The following FGF2 variants were observed in gnomAD, a reference collection of about 807,000 sequenced individuals.
FGF2 encodes basic fibroblast growth factor bFGF.
FGF2 carries 13 observed loss-of-function variants against 15.9 expected under a neutral mutation model. The ratio of observed to expected loss-of-function variants is 0.82; its 90% CI spans 0.53 to 1.30. The LOEUF (loss-of-function observed/expected upper bound fraction) is 1.30, where lower values mean the gene tolerates loss of function less well. FGF2 is among the 50% of genes most tolerant of loss of function. The pLI is 0.00. For synonymous variants in FGF2, 90 were observed against 78.4 expected (o/e 1.15, Z -0.78); for missense variants, 163 against 196.9 (o/e 0.83, Z 1.03).
chr4:122,839,831 A>C (rs1228164407), intron 1 of FGF2, among the ~76,000 whole-genome samples: 1 of 152,196 alleles, frequency 6.6e-6, no homozygotes, highest in Non-Finnish European at 1.5e-5. Context: ...CATAACAAAC[A>C]TACCACAGTC....
intron 1 of FGF2, among the ~76,000 whole-genome samples, chr4:122,871,668 G>A (rs972526514): frequency 3.3e-5 from 5 of 151,636 alleles, no homozygotes; most frequent in African/African-American, 9.7e-5. Context: ...CTGTTCTCTA[G>A]CCTCCTTGAG....
At chr4:122,888,727 C>CTACTGTGACCATG (rs1727107712) in intron 2 of FGF2, 1 of 152,222 alleles carries the variant, frequency 6.6e-6, no homozygotes, top group Non-Finnish European at 1.5e-5. Context: ...CTCAATGGAG[C>CTACTGTGACCATG]CTACTGTGAC....
At chr4:122,871,479 AC>A (rs2150781546) in intron 1 of FGF2, among the ~76,000 whole-genome samples, 1 of 151,902 alleles carries the variant, frequency 6.6e-6, no homozygotes, top group African/African-American at 2.4e-5. Context: ...TAAGAGGCAC[AC>A]CCCCTCCACC....
chr4:122,848,488 G>A (rs923798024), intron 1 of FGF2, among the ~76,000 whole-genome samples: 1 of 152,136 alleles, frequency 6.6e-6, no homozygotes, highest in African/African-American at 2.4e-5. Context: ...CCTGTATTCT[G>A]GAGACTTGTG....
At chr4:122,885,616 C>T (rs1578479909) in intron 2 of FGF2, among the ~76,000 whole-genome samples, 2 of 152,152 alleles carry the variant, frequency 1.3e-5, no homozygotes, top group South Asian at 4.1e-4. Flanking sequence ...ATATACTCCA[C>T]ACTGAGTTTC....
rs1411945786 is a variant in FGF2, at chr4:122,896,921, G to A, written c.*4525G>A. The A allele has an allele frequency of 6.6e-6, 1 of 152,110 alleles. No homozygotes were observed. Among genetic ancestry groups the A allele is most frequent in the Non-Finnish European group, 1.5e-5 (1 of 68,020 alleles). 9.4% of individuals were successfully genotyped at this position (152,110 alleles called of 1,614,324 possible). A position where few individuals can be genotyped will look rare whatever the true frequency, so the allele number is the denominator to read the frequency against. On this transcript the variant is annotated 3_prime_UTR_variant, in exon 3 of 3. Transcript: ENST00000644866. ...ACATTGATTTGTCATGATACACATT[G>A]AATTTGATCCAATAGTTTAAGGAAT...
intron 1 of FGF2, among the ~76,000 whole-genome samples, chr4:122,869,764 C>T (rs937317575): frequency 1.3e-5 from 2 of 152,176 alleles, no homozygotes; most frequent in African/African-American, 4.8e-5. Flanking sequence ...TCTAAATATA[C>T]AATCATGTCA....
intron 1 of FGF2, among the ~76,000 whole-genome samples, chr4:122,865,314 C>CAACA (rs1560749350): frequency 7.2e-5 from 11 of 152,000 alleles, no homozygotes; most frequent in Admixed American, 3.9e-4. Context: ...GTTGTTGAGA[C>CAACA]AGGGTCTTCT....
At chr4:122,848,240 G>A (rs770461345) in intron 1 of FGF2, among the ~76,000 whole-genome samples, 1 of 152,326 alleles carries the variant, frequency 6.6e-6, no homozygotes, top group African/African-American at 2.4e-5. Flanking sequence ...AGACCCTAAG[G>A]AGTCTCCTTC....
In FGF2 at chr4:122,826,928, A is replaced by G. The variant is rs1725644827; in HGVS notation, c.-247A>G. 6.1e-6 allele frequency: 9 copies of G among 1,485,130 alleles called. No individual in the cohort carries two copies. In the Admixed American group the frequency reaches 8.3e-5, roughly 14 times the overall value. 92.0% of individuals were successfully genotyped at this position (1,485,130 alleles called of 1,614,324 possible). ...CCAGGCGGCGTCCGCGGAGACACCC[A>G]TCCGTGAACCCCAGGTCCCGGGCCG... On this transcript the variant is annotated 5_prime_UTR_variant, in exon 1 of 3. Coordinates refer to ENST00000644866, the MANE Select transcript of FGF2 (RefSeq NM_001361665.2).
intron 2 of FGF2, among the ~76,000 whole-genome samples, chr4:122,878,308 G>T (rs1578476362): frequency 6.6e-6 from 1 of 152,262 alleles, no homozygotes; most frequent in East Asian, 1.9e-4. Context: ...TAGAATTTTA[G>T]ACGTTGTAAA....
chr4:122,892,934 A>G lies in FGF2; in HGVS notation c.*538A>G, dbSNP rs377283871. On this transcript the variant is annotated 3_prime_UTR_variant, in exon 3 of 3. Transcript: ENST00000644866. ...TGGAAGTTCTTCCACAGTCAGGTCA[A>G]TTTTGTCAAACCCTTCTCTGTACCC... 6.2e-7 allele frequency: 1 copy of G among 1,614,182 alleles called. No homozygotes were observed. Among genetic ancestry groups the G allele is most frequent in the Non-Finnish European group, 8.5e-7 (1 of 1,180,020 alleles).
chr4:122,856,223 T>G (rs1726338775), intron 1 of FGF2, among the ~76,000 whole-genome samples: 1 of 152,204 alleles, frequency 6.6e-6, no homozygotes, highest in Non-Finnish European at 1.5e-5. Context: ...TTATATTGTG[T>G]TCAAGACACA....
At chr4:122,882,012 G>A (rs1430870791) in intron 2 of FGF2, 1 of 152,336 alleles carries the variant, frequency 6.6e-6, no homozygotes, top group Non-Finnish European at 1.5e-5. Flanking sequence ...GCTTGTGCAG[G>A]GGGACTCTTC....
chr4:122,836,460 T>C (rs1378196030), intron 1 of FGF2, among the ~76,000 whole-genome samples: 1 of 152,248 alleles, frequency 6.6e-6, no homozygotes, highest in African/African-American at 2.4e-5. Context: ...CTGTGTGCTA[T>C]CTAAAAATTC....
rs1726845901 is a variant in FGF2, at chr4:122,876,366, A to G, written c.224A>G (p.Lys75Arg). ...GAAGAGAGAGGAGTTGTGTCTATCA[A>G]AGGAGTGTGTGCTAACCGTTACCTG... Reference protein sequence around the residue: ...QAEERGVVSIKGVCANRYLAM... With the variant: ...QAEERGVVSIRGVCANRYLAM... The change falls in exon 2 of 3, where the codon AAA becomes AGA. Residue 75 changes from lysine (K) to arginine (R), a missense_variant. By Grantham distance (26) the Lys-to-Arg change is conservative. Coordinates refer to ENST00000644866, the MANE Select transcript of FGF2 (RefSeq NM_001361665.2). The G allele has an allele frequency of 5.0e-6, 8 of 1,613,626 alleles. No homozygotes were observed. Among genetic ancestry groups the G allele is most frequent in the African/African-American group, 4.0e-5 (3 of 74,876 alleles).
intron 2 of FGF2, chr4:122,884,545 T>C (rs1560757302): frequency 6.6e-6 from 1 of 152,218 alleles, no homozygotes; most frequent in Non-Finnish European, 1.5e-5. Flanking sequence ...TTTCACTATT[T>C]GGATGTTTCT....
In FGF2 at chr4:122,840,061, T is replaced by C. The variant is rs141556125; in HGVS notation, c.178+12709T>C. ...TCTTCTTATAAAGACCTCAGTCAGA[T>C]TGGATGGGGGCTCACCCTGAAGGCT... is the stretch of plus-strand genomic sequence containing the variant. On this transcript the variant is annotated intron_variant, in intron 1 of 2. Transcript: ENST00000644866. Among the ~76,000 whole-genome samples, 140 of 152,278 alleles carry C rather than the reference T, an allele frequency of 9.2e-4. 2 individuals carry two copies. The East Asian group carries it at 0.019, about 20-fold the overall frequency.
intron 1 of FGF2, among the ~76,000 whole-genome samples, chr4:122,839,986 C>T (rs1335782887): frequency 6.6e-6 from 1 of 152,206 alleles, no homozygotes; most frequent in Non-Finnish European, 1.5e-5. Context: ...TTCACAAGAT[C>T]TTTCCACTGT....
Sources: gnomAD v4.1 joint callset for allele counts (sites outside exome capture counted in the v4.1 genomes callset) on GRCh38, gnomAD v4.1.1 for gene constraint, MANE v1.5 for transcripts, NCBI Gene and HGNC (gene_info 2026-07-23, HGNC 2026-07-21) for gene names.